Variants in AIG1 observed in about 807,000 individuals in gnomAD.
The protein encoded by AIG1 is androgen-induced gene 1 protein.
Under a neutral mutation model 31.4 loss-of-function variants are expected in AIG1, and 23 were observed. The ratio of observed to expected loss-of-function variants is 0.73; its 90% confidence interval spans 0.53 to 1.04. AIG1 has a LOEUF of 1.04. Ranked by LOEUF, AIG1 falls within the 50% of genes least tolerant of loss-of-function variation. The probability of loss-of-function intolerance (pLI) is 0.00; values close to 1 mark genes in which losing one functional copy is unlikely to be tolerated. For missense variants in AIG1, 274 were observed against 295.0 expected (o/e 0.93, Z 0.52); for synonymous variants, 100 against 110.5 (o/e 0.90, Z 0.60).
intron 4 of AIG1, among the ~76,000 whole-genome samples, chr6:143,311,780 C>T (rs1775297351): frequency 6.6e-6 from 1 of 151,880 alleles, no homozygotes; most frequent in Non-Finnish European, 1.5e-5. Flanking sequence ...TCAAATTATC[C>T]TTGTTTGTAT....
intron 4 of AIG1, among the ~76,000 whole-genome samples, chr6:143,320,091 GAC>G (rs1458449538): frequency 6.6e-6 from 1 of 152,022 alleles, no homozygotes; most frequent in Non-Finnish European, 1.5e-5. Flanking sequence ...CTTCAAAAAA[GAC>G]ACACACGGCC....
intron 3 of AIG1, among the ~76,000 whole-genome samples, chr6:143,205,576 T>C (rs925877722): frequency 6.6e-6 from 1 of 152,252 alleles, no homozygotes; most frequent in Non-Finnish European, 1.5e-5. Flanking sequence ...CAGTGTTTTC[T>C]GTTGTTGATG....
chr6:143,070,253 G>A (rs574954086), intron 1 of AIG1, among the ~76,000 whole-genome samples: 7 of 152,084 alleles, frequency 4.6e-5, no homozygotes, highest in Non-Finnish European at 5.9e-5. Flanking sequence ...TCTATAAAAC[G>A]ATTTGGGGAA....
chr6:143,216,760 T>C (rs1792063494), intron 3 of AIG1, among the ~76,000 whole-genome samples: 1 of 152,200 alleles, frequency 6.6e-6, no homozygotes, highest in South Asian at 2.1e-4. Flanking sequence ...CGTCCAGGTT[T>C]TAACTGAAGT....
intron 2 of AIG1, among the ~76,000 whole-genome samples, chr6:143,141,367 A>G (rs1198192058): frequency 6.6e-6 from 1 of 152,348 alleles, no homozygotes; most frequent in East Asian, 1.9e-4. Flanking sequence ...GCTGTATGTG[A>G]GCATGAAGCC....
intron 1 of AIG1, among the ~76,000 whole-genome samples, chr6:143,132,866 C>A (rs972886256): frequency 3.3e-5 from 5 of 151,692 alleles, no homozygotes; most frequent in African/African-American, 4.8e-5. Flanking sequence ...CATACAGTGA[C>A]TTTTTGATTT....
At chr6:143,219,068 G>A (rs1792255497) in intron 3 of AIG1, among the ~76,000 whole-genome samples, 1 of 152,150 alleles carries the variant, frequency 6.6e-6, no homozygotes, top group Non-Finnish European at 1.5e-5. Context: ...TTCCAAAATA[G>A]CAGAACTCAT....
intron 1 of AIG1, among the ~76,000 whole-genome samples, chr6:143,085,994 T>C (rs1459761535): frequency 1.3e-5 from 2 of 152,274 alleles, no homozygotes; most frequent in Non-Finnish European, 2.9e-5. Context: ...ATTTTTGAGT[T>C]AGTAAGCTAC....
chr6:143,322,507 A>G (rs548733220), intron 4 of AIG1, among the ~76,000 whole-genome samples: 16 of 152,324 alleles, frequency 1.1e-4, no homozygotes, highest in South Asian at 2.1e-4. Context: ...TTTGGCATCT[A>G]TGTGCCTTGA....
At chr6:143,156,117 C>T (rs1038458860) in intron 2 of AIG1, among the ~76,000 whole-genome samples, 2 of 152,114 alleles carry the variant, frequency 1.3e-5, no homozygotes, top group African/African-American at 4.8e-5. Context: ...GAGCATCTCT[C>T]CTAGTATTTA....
chr6:143,202,688 G>A lies in AIG1; in HGVS notation c.399+37505G>A, dbSNP rs948451003. Among the ~76,000 whole-genome samples, 9 of 152,172 alleles carry A rather than the reference G, an allele frequency of 5.9e-5. No individual in the cohort carries two copies. The East Asian group carries it at 7.7e-4, about 13-fold the overall frequency. ...CCCTGAGAAGGTTCTGCATTCCCTC[G>A]TGCCCCTGGAATGGGAGATCACTGA... On this transcript the variant is annotated intron_variant, in intron 3 of 5. Coordinates refer to ENST00000357847, the MANE Select transcript of AIG1 (RefSeq NM_016108.4).
chr6:143,118,457 C>CAA (rs113127575), intron 1 of AIG1, among the ~76,000 whole-genome samples: 3 of 110,944 alleles, frequency 2.7e-5, no homozygotes, highest in African/African-American at 2.8e-5. Flanking sequence ...GACTCCGTCT[C>CAA]AAAAAAAAAA....
chr6:143,213,165 T>C (rs1791723054), intron 3 of AIG1, among the ~76,000 whole-genome samples: 1 of 152,266 alleles, frequency 6.6e-6, no homozygotes, highest in Non-Finnish European at 1.5e-5. Flanking sequence ...GCTAAGGATT[T>C]TGATGCAGTA....
chr6:143,060,476 C>T (rs538110766), upstream of AIG1: 184 of 246,414 alleles, frequency 7.5e-4, no homozygotes, highest in African/African-American at 4.2e-3. Flanking sequence ...CTAGGTTCCC[C>T]GCCCCCTCGC....
chr6:143,275,219 G>A (rs909588439), intron 3 of AIG1, among the ~76,000 whole-genome samples: 1 of 152,170 alleles, frequency 6.6e-6, no homozygotes, highest in Non-Finnish European at 1.5e-5. Flanking sequence ...TGAGGCTGAG[G>A]AAGTGGCCTA....
rs540821310 is a variant in AIG1, at chr6:143,301,562, C to G, written c.515+17337C>G. Reference sequence around the variant, plus strand: ...CACTGCGGAGGCCTCAGGAAACTTACAATCATGGTGGAAGGGGAAGCAAAT... The same window carrying G: ...CACTGCGGAGGCCTCAGGAAACTTAGAATCATGGTGGAAGGGGAAGCAAAT... On this transcript the variant is annotated intron_variant, in intron 4 of 5. Coordinates refer to ENST00000357847, the MANE Select transcript of AIG1 (RefSeq NM_016108.4). Among the ~76,000 whole-genome samples, 9 of 152,274 alleles carry G rather than the reference C, an allele frequency of 5.9e-5. No individual in the cohort carries two copies. The South Asian group carries it at 1.9e-3, about 32-fold the overall frequency.
chr6:143,155,782 C>T (rs1785687860), intron 2 of AIG1, among the ~76,000 whole-genome samples: 1 of 152,070 alleles, frequency 6.6e-6, no homozygotes, highest in South Asian at 2.1e-4. Flanking sequence ...TGAAGAGGGT[C>T]CCTGGAAGAA....
intron 1 of AIG1, among the ~76,000 whole-genome samples, chr6:143,075,487 G>A (rs1777654481): frequency 6.6e-6 from 1 of 151,928 alleles, no homozygotes; most frequent in Admixed American, 6.6e-5. Flanking sequence ...GTACTTTTTG[G>A]TAGGGACGGG....
intron 2 of AIG1, among the ~76,000 whole-genome samples, chr6:143,153,036 A>G (rs1017392116): frequency 1.3e-5 from 2 of 152,200 alleles, no homozygotes; most frequent in African/African-American, 4.8e-5. Context: ...GGGATGACAC[A>G]GGGTACAACC....
Sources: allele counts gnomAD v4.1 joint callset (sites outside exome capture counted in the v4.1 genomes callset), GRCh38; gene constraint gnomAD v4.1.1; transcripts MANE v1.5; gene names NCBI Gene and HGNC (gene_info 2026-07-23, HGNC 2026-07-21).